COLEC10: variants seen among roughly 807,000 people sequenced by gnomAD.
The protein encoded by COLEC10 is collectin subfamily member 10.
COLEC10 carries 22 observed loss-of-function variants against 28.4 expected under a neutral mutation model. That is an observed-to-expected ratio of 0.78 (90% CI 0.55 to 1.11). The LOEUF (loss-of-function observed/expected upper bound fraction) is 1.11, where lower values mean the gene tolerates loss of function less well. Ranked by LOEUF, COLEC10 falls within the 50% of genes least tolerant of loss-of-function variation. The pLI, the probability that COLEC10 is intolerant of heterozygous loss-of-function variation, is 0.00. For missense variants in COLEC10, 361 were observed against 344.1 expected (o/e 1.05, Z -0.39); for synonymous variants, 125 against 116.1 (o/e 1.08, Z -0.49).
At chr8:119,036,209 TA>T (rs933114779) in intron 2 of COLEC10, among the ~76,000 whole-genome samples, 8 of 152,182 alleles carry the variant, frequency 5.3e-5, no homozygotes, top group Non-Finnish European at 1.0e-4. Flanking sequence ...AGAAGAAATT[TA>T]AAAAAACAAA....
At chr8:119,019,743 C>A (rs573174445) in intron 2 of COLEC10, among the ~76,000 whole-genome samples, 2 of 152,266 alleles carry the variant, frequency 1.3e-5, no homozygotes, top group Admixed American at 1.3e-4. Context: ...AGTGTCAATC[C>A]ACTAGGGCAG....
intron 3 of COLEC10, 85 bp downstream of exon 3, chr8:119,091,305 T>G: frequency 1.0e-6 from 1 of 968,240 alleles, no homozygotes; most frequent in Non-Finnish European, 1.6e-6. Context: ...ATCCCAACAC[T>G]CAGAGACCGA....
At chr8:119,069,291 T>C in intron 1 of COLEC10, among the ~76,000 whole-genome samples, 1 of 151,944 alleles carries the variant, frequency 6.6e-6, no homozygotes, top group Admixed American at 6.6e-5. Context: ...AACCAAGACA[T>C]GATACCTTCT....
chr8:119,046,218 G>C (rs1232882211), intron 2 of COLEC10, among the ~76,000 whole-genome samples: 1 of 152,016 alleles, frequency 6.6e-6, no homozygotes, highest in East Asian at 1.9e-4. Flanking sequence ...TAGCACCACT[G>C]TCTGTCTCCA....
chr8:118,959,727 C>G, the COLEC10 span, among the ~76,000 whole-genome samples: 1 of 152,318 alleles, frequency 6.6e-6, no homozygotes, highest in East Asian at 1.9e-4. Context: ...AAACTGAAAA[C>G]CTGGCAGTCA....
At chr8:118,987,373 G>A in the COLEC10 span, among the ~76,000 whole-genome samples, 2 of 152,082 alleles carry the variant, frequency 1.3e-5, no homozygotes, top group Non-Finnish European at 2.9e-5. Flanking sequence ...AGACCAGCCT[G>A]GCCAACAGGG....
chr8:118,978,229 A>G, the COLEC10 span, among the ~76,000 whole-genome samples: 143 of 152,240 alleles, frequency 9.4e-4, 1 homozygote, highest in African/African-American at 3.4e-3. Context: ...GTCGCAAAAC[A>G]TCAATTTTAT....
intron 2 of COLEC10, among the ~76,000 whole-genome samples, chr8:119,028,001 G>A (rs1211894915): frequency 6.6e-6 from 1 of 152,164 alleles, no homozygotes; most frequent in Non-Finnish European, 1.5e-5. Context: ...TTACCTTGAA[G>A]GATCTGTGTC....
chr8:119,100,492 G>T (rs1265187381), intron 3 of COLEC10, among the ~76,000 whole-genome samples: 1 of 152,110 alleles, frequency 6.6e-6, no homozygotes, highest in Non-Finnish European at 1.5e-5. Flanking sequence ...TAAGGAATTT[G>T]CAGGATATAA....
intron 1 of COLEC10, among the ~76,000 whole-genome samples, chr8:119,006,356 T>G (rs1157148206): frequency 1.3e-5 from 2 of 152,088 alleles, no homozygotes; most frequent in Admixed American, 1.3e-4. Context: ...AAATTAATAA[T>G]GCAACCTTGT....
intron 2 of COLEC10, among the ~76,000 whole-genome samples, chr8:119,030,850 T>C (rs185283299): frequency 8.2e-4 from 125 of 152,316 alleles, no homozygotes; most frequent in Non-Finnish European, 1.3e-3. Flanking sequence ...AGATATTATG[T>C]GCAAAAATAC....
At chr8:119,007,354 A>G (rs4327884) in intron 1 of COLEC10, among the ~76,000 whole-genome samples, 102,851 of 151,900 alleles carry the variant, frequency 0.68, 36,787 homozygotes, top group African/African-American at 0.92. Context: ...CAATTTTACT[A>G]TAATCTCTTT....
At chr8:119,098,095 A>G (rs1384512642) in intron 3 of COLEC10, among the ~76,000 whole-genome samples, 1 of 152,018 alleles carries the variant, frequency 6.6e-6, no homozygotes, top group Non-Finnish European at 1.5e-5. Flanking sequence ...TTCTTAGGCT[A>G]TATTTTTGAG....
At chr8:118,954,250 G>A in the COLEC10 span, among the ~76,000 whole-genome samples, 6 of 152,140 alleles carry the variant, frequency 3.9e-5, no homozygotes, top group Non-Finnish European at 7.3e-5. Flanking sequence ...AAAATAGACT[G>A]TGTATTGATT....
upstream of COLEC10, among the ~76,000 whole-genome samples, chr8:118,994,789 TG>T (rs1471081510): frequency 6.6e-6 from 1 of 152,116 alleles, no homozygotes; most frequent in African/African-American, 2.4e-5. Flanking sequence ...ACATCGGGGA[TG>T]AAATAAAAGT....
upstream of COLEC10, among the ~76,000 whole-genome samples, chr8:118,992,655 C>T (rs148364356): frequency 6.6e-5 from 10 of 152,090 alleles, no homozygotes; most frequent in African/African-American, 1.4e-4. Flanking sequence ...AAGAAAACAC[C>T]GTAGATATTT....
chr8:118,994,659 T>C (rs1813560913), upstream of COLEC10, among the ~76,000 whole-genome samples: 1 of 151,934 alleles, frequency 6.6e-6, no homozygotes. Context: ...GTCTCTGGAG[T>C]CCTTACTTGT....
chr8:119,022,618 C>A (rs1814119429), intron 2 of COLEC10, among the ~76,000 whole-genome samples: 1 of 152,024 alleles, frequency 6.6e-6, no homozygotes, highest in Non-Finnish European at 1.5e-5. Context: ...TGACCAGTGA[C>A]TTTTTCCCAC....
chr8:118,988,266 G>T, the COLEC10 span, among the ~76,000 whole-genome samples: 1 of 152,096 alleles, frequency 6.6e-6, no homozygotes, highest in Non-Finnish European at 1.5e-5. Context: ...ATCTGGGAAA[G>T]ATCCCCTTAG....
Sources: gnomAD v4.1 joint callset for allele counts (sites outside exome capture counted in the v4.1 genomes callset) on GRCh38, gnomAD v4.1.1 for gene constraint, MANE v1.5 for transcripts, NCBI Gene and HGNC (gene_info 2026-07-23, HGNC 2026-07-21) for gene names.